The following CTSS variants were observed in gnomAD, a reference collection of about 807,000 sequenced individuals.
CTSS encodes cathepsin S.
In CTSS, 15 loss-of-function variants were observed where a neutral mutation model predicts 39.9. That is an observed-to-expected ratio of 0.38 (90% CI 0.25 to 0.58). CTSS has a LOEUF of 0.58. Among genes scored for constraint, CTSS ranks in the 20% least tolerant of loss-of-function variants. The pLI is 0.70. For synonymous variants in CTSS, 126 were observed against 138.2 expected, an observed-to-expected ratio of 0.91 and a Z score of 0.62; for missense variants, 250 against 398.2, an observed-to-expected ratio of 0.63 and a Z score of 3.17.
intron 4 of CTSS, 140 bp from the exon 5 acceptor site, chr1:150,752,148 T>C: frequency 1.3e-6 from 1 of 796,912 alleles, no homozygotes; most frequent in Non-Finnish European, 2.0e-6. Flanking sequence ...AGTTTCCTTC[T>C]GTCTTTAACA....
rs140408537 is a variant in CTSS, at chr1:150,747,785, C to T, written c.888G>A (p.Val296=). 85 of 1,607,044 alleles carry T rather than the reference C, an allele frequency of 5.3e-5. No homozygotes were observed. Among genetic ancestry groups the T allele is most frequent in the Non-Finnish European group, 7.2e-5 (85 of 1,174,722 alleles). The change falls in exon 7 of 8, where the codon GTG becomes GTA. Residue 296 remains valine, a synonymous_variant. Coordinates refer to ENST00000368985, the MANE Select transcript of CTSS (RefSeq NM_004079.5). ...GDLNGKEYWL[V]KNSWGHNFGE... Reference sequence around the variant, plus strand: ...AAGTGTAAATATATTACCTGTTTTTCACAAGCCAGTATTCTTTCCCATTAA... The same window carrying T: ...AAGTGTAAATATATTACCTGTTTTTTACAAGCCAGTATTCTTTCCCATTAA...
At chr1:150,742,052 C>T (rs1210270913) in intron 7 of CTSS, among the ~76,000 whole-genome samples, 1 of 151,948 alleles carries the variant, frequency 6.6e-6, no homozygotes, top group Non-Finnish European at 1.5e-5. Flanking sequence ...TCCTGGCCAA[C>T]ATGGTGAAAC....
chr1:150,741,043 C>G (rs1216381062), intron 7 of CTSS, among the ~76,000 whole-genome samples: 1 of 151,898 alleles, frequency 6.6e-6, no homozygotes, highest in Non-Finnish European at 1.5e-5. Flanking sequence ...GCTCTGTCAC[C>G]TAGGCCAGAG....
At chr1:150,757,317 G>A (rs12568757) in intron 3 of CTSS, among the ~76,000 whole-genome samples, 63,504 of 151,984 alleles carry the variant, frequency 0.42, 15,244 homozygotes, top group Non-Finnish European at 0.54. Context: ...GACTAAACTG[G>A]TTTCCCATGT....
intron 7 of CTSS, among the ~76,000 whole-genome samples, chr1:150,734,955 AG>A (rs1652603261): frequency 6.6e-6 from 1 of 152,238 alleles, no homozygotes; most frequent in Non-Finnish European, 1.5e-5. Flanking sequence ...TAAGTGCTCT[AG>A]GATACAAATA....
chr1:150,764,683 G>C lies in CTSS; in HGVS notation c.81C>G (p.His27Gln), dbSNP rs761829673. The change falls in exon 2 of 8, where the codon CAC becomes CAG. Residue 27 changes from histidine to glutamine, a missense_variant. His to Gln is a conservative substitution (Grantham distance 24). Coordinates refer to ENST00000368985, the MANE Select transcript of CTSS (RefSeq NM_004079.5). ...QLHKDPTLDHHWHLWKKTYGK... is the reference protein window; with the variant it reads ...QLHKDPTLDHQWHLWKKTYGK... The stretch of plus-strand genomic sequence containing the variant: ...CATAGGTTTTCTTCCAGAGATGCCA[G>C]TGGTGATCCAGGGTAGGATCTTTAT... 5.0e-6 allele frequency: 8 copies of C among 1,614,066 alleles called. No individual in the cohort carries two copies. The African/African-American group carries it at 8.0e-5, about 16-fold the overall frequency.
intron 4 of CTSS, among the ~76,000 whole-genome samples, chr1:150,753,375 T>C (rs1164188411): frequency 6.6e-6 from 1 of 152,220 alleles, no homozygotes; most frequent in Non-Finnish European, 1.5e-5. Context: ...TATTTCATAT[T>C]CTAACGATGC....
chr1:150,757,891 T>C lies in CTSS; in HGVS notation c.216A>G (p.Ser72=). ...HNLEHSMGMH[S]YDLGMNHLGD... ...CCAGGTGGTTCATGCCCAGATCGTA[T>C]GAGTGCATTCCCATTGAATGCTCCA... The change falls in exon 3 of 8, where the codon TCA becomes TCG. Residue 72 remains serine, a synonymous_variant. Transcript: ENST00000368985. The C allele has an allele frequency of 1.2e-6, 2 of 1,613,960 alleles. No individual in the cohort carries two copies. Among genetic ancestry groups the C allele is most frequent in the South Asian group, 2.2e-5 (2 of 91,062 alleles).
intron 7 of CTSS, among the ~76,000 whole-genome samples, chr1:150,742,959 A>AT (rs1312714042): frequency 2.0e-5 from 3 of 151,968 alleles, no homozygotes; most frequent in Non-Finnish European, 4.4e-5. Context: ...GGGAGTTTGG[A>AT]TTTTTCAAGG....
At position 150,762,422 on chromosome 1, in the gene CTSS, C is replaced by T. The variant is rs139273266; in HGVS notation, c.126+2216G>A. On this transcript the variant is annotated intron_variant, in intron 2 of 7. Coordinates refer to ENST00000368985, the MANE Select transcript of CTSS (RefSeq NM_004079.5). ...AACAGGCAACAATAGCAAAAATAGA[C>T]GAACGGGACTCCATCAAACTAAAAA... is the stretch of plus-strand genomic sequence containing the variant. 3.7e-4 allele frequency among the ~76,000 whole-genome samples: 57 copies of T among 152,112 alleles called. No individual in the cohort carries two copies. The East Asian group carries it at 7.1e-3, about 19-fold the overall frequency.
rs753035358 is a variant in CTSS at position 150,764,194 on chromosome 1, G to C, written c.126+444C>G. 3.8e-4 allele frequency among the ~76,000 whole-genome samples: 57 copies of C among 151,934 alleles called. 1 individual carries two copies. The highest frequency in any genetic ancestry group is 1.2e-4 in the Non-Finnish European group (8 of 68,018). ...CAGGAATTTTGTTTTGATTCCTGCTGTATGGTACCAAGAACAGTATCTGGC... is the reference window on the plus strand; with the variant it reads ...CAGGAATTTTGTTTTGATTCCTGCTCTATGGTACCAAGAACAGTATCTGGC... On this transcript the variant is annotated intron_variant, in intron 2 of 7. Transcript: ENST00000368985.
chr1:150,759,471 G>C (rs1653205999), intron 2 of CTSS, among the ~76,000 whole-genome samples: 9 of 151,874 alleles, frequency 5.9e-5, no homozygotes, highest in Admixed American at 5.9e-4. Context: ...GAATTCCTCA[G>C]TACTATCTTT....
At chr1:150,757,752 T>C (rs952546902) in intron 3 of CTSS, 106 bp downstream of exon 3, 9 of 1,197,384 alleles carry the variant, frequency 7.5e-6, no homozygotes, top group Non-Finnish European at 8.3e-6. Flanking sequence ...CTTTGTACTA[T>C]ACATTCCTTT....
At chr1:150,751,634 CTT>C in intron 5 of CTSS, 145 bp downstream of exon 5, 2 of 663,600 alleles carry the variant, frequency 3.0e-6, no homozygotes, top group African/African-American at 1.8e-5. Context: ...AAACAGAACT[CTT>C]GAGAATTTAA....
At chr1:150,743,496 GATAT>G (rs10609824) in intron 7 of CTSS, among the ~76,000 whole-genome samples, 49,460 of 124,764 alleles carry the variant, frequency 0.4, 10,177 homozygotes, top group South Asian at 0.56. Context: ...GAGGCTGGGA[GATAT>G]ATATATATAT....
chr1:150,754,458 C>T (rs1219790150), intron 4 of CTSS, among the ~76,000 whole-genome samples: 1 of 144,958 alleles, frequency 6.9e-6, no homozygotes, highest in East Asian at 2.0e-4. Flanking sequence ...GATGGAGTCT[C>T]GCTCTTTAGC....
At chr1:150,742,907 G>A (rs954967658) in intron 7 of CTSS, among the ~76,000 whole-genome samples, 2 of 152,146 alleles carry the variant, frequency 1.3e-5, no homozygotes, top group Admixed American at 6.6e-5. Context: ...AACTTATTGA[G>A]TATGAGAGTG....
Position 150,744,537 on chromosome 1 carries a change from A to G in CTSS, c.896+3240T>C, listed in dbSNP as rs184794711. ...ATTATATGTATATTATGTATACATA[A>G]TATATTATATATTATATATGTATAT... is the stretch of plus-strand genomic sequence containing the variant. On this transcript the variant is annotated intron_variant, in intron 7 of 7. Transcript: ENST00000368985. Among the ~76,000 whole-genome samples, 267 of 111,610 alleles carry G rather than the reference A, an allele frequency of 2.4e-3. 1 individual carries two copies. Among genetic ancestry groups the G allele is most frequent in the Admixed American group, 3.2e-3 (28 of 8,792 alleles). 73.2% of individuals were successfully genotyped at this position (111,610 alleles called of 152,430 possible). A position where few individuals can be genotyped will look rare whatever the true frequency, so the allele number is the denominator to read the frequency against.
At chr1:150,744,456 G>T (rs1652841936) in intron 7 of CTSS, among the ~76,000 whole-genome samples, 1 of 32,538 alleles carries the variant, frequency 3.1e-5, no homozygotes, top group African/African-American at 9.8e-5. Flanking sequence ...TGTATATTAT[G>T]TATACATAAT....
Sources: gnomAD v4.1 joint callset for allele counts (sites outside exome capture counted in the v4.1 genomes callset) on GRCh38, gnomAD v4.1.1 for gene constraint, MANE v1.5 for transcripts, NCBI Gene and HGNC (gene_info 2026-07-23, HGNC 2026-07-21) for gene names.